WASF3: variants seen among roughly 807,000 people sequenced by gnomAD.
WASF3 encodes the protein actin-binding protein WASF3.
A neutral mutation model predicts 46.6 loss-of-function variants in WASF3; 11 were observed. The observed-to-expected ratio is 0.24, with a 90% confidence interval of 0.15 to 0.39. WASF3 has a LOEUF of 0.39. Ranked by LOEUF, WASF3 falls within the 10% of genes least tolerant of loss-of-function variation. The pLI is 1.00. For synonymous variants in WASF3, 242 were observed against 259.7 expected, an observed-to-expected ratio of 0.93 and a Z score of 0.65; for missense variants, 576 against 669.8, an observed-to-expected ratio of 0.86 and a Z score of 1.55.
the WASF3 span, among the ~76,000 whole-genome samples, chr13:26,544,573 C>T: frequency 2.0e-5 from 3 of 152,182 alleles, no homozygotes; most frequent in Admixed American, 2.0e-4. Flanking sequence ...AGAATAGAAA[C>T]GAAGTTAAGA....
chr13:26,633,980 G>T (rs1160212281), intron 2 of WASF3, among the ~76,000 whole-genome samples: 1 of 152,182 alleles, frequency 6.6e-6, no homozygotes, highest in Non-Finnish European at 1.5e-5. Context: ...ATTTGGGGTG[G>T]AGAGTTCTGT....
chr13:26,638,254 A>T (rs1881890708), intron 2 of WASF3: 1 of 152,196 alleles, frequency 6.6e-6, no homozygotes, highest in African/African-American at 2.4e-5. Flanking sequence ...CAGCAGCCAG[A>T]CCAAGCTGGA....
intron 1 of WASF3, among the ~76,000 whole-genome samples, chr13:26,572,252 G>C (rs898157130): frequency 6.6e-6 from 1 of 152,158 alleles, no homozygotes; most frequent in Non-Finnish European, 1.5e-5. Flanking sequence ...GTGGGCATTC[G>C]TATCTGGTTC....
intron 1 of WASF3, among the ~76,000 whole-genome samples, chr13:26,592,104 A>G (rs376531986): frequency 6.0e-5 from 9 of 150,722 alleles, no homozygotes; most frequent in African/African-American, 2.0e-4. Flanking sequence ...TGGACCAATA[A>G]GCTTTGCTGA....
At chr13:26,580,198 A>AT (rs1879935579) in intron 1 of WASF3, among the ~76,000 whole-genome samples, 1 of 152,058 alleles carries the variant, frequency 6.6e-6, no homozygotes, top group Non-Finnish European at 1.5e-5. Flanking sequence ...CTTACTGTGC[A>AT]TTTTTTTGCT....
At chr13:26,545,613 T>C in the WASF3 span, among the ~76,000 whole-genome samples, 1 of 152,228 alleles carries the variant, frequency 6.6e-6, no homozygotes, top group Admixed American at 6.5e-5. Context: ...TTTATGTATT[T>C]AATTTTTTTA....
At chr13:26,643,763 A>G (rs1281985834) in intron 3 of WASF3, among the ~76,000 whole-genome samples, 1 of 152,214 alleles carries the variant, frequency 6.6e-6, no homozygotes, top group Non-Finnish European at 1.5e-5. Context: ...TCTGTATCTC[A>G]TGCTGTAATA....
intron 2 of WASF3, among the ~76,000 whole-genome samples, chr13:26,637,257 A>C (rs1433128184): frequency 1.3e-5 from 2 of 152,206 alleles, no homozygotes; most frequent in African/African-American, 4.8e-5. Context: ...CAGCTCAGCC[A>C]AGTGCAAGCC....
chr13:26,582,651 T>A (rs1487488282), intron 1 of WASF3, among the ~76,000 whole-genome samples: 3 of 108,318 alleles, frequency 2.8e-5, no homozygotes, highest in Non-Finnish European at 5.0e-5. Flanking sequence ...CACTCTAGCC[T>A]GGGTGACCGA....
rs879865949 is a variant in WASF3 at position 26,623,693 on chromosome 13, A to G, written c.-11+10635A>G. Among the ~76,000 whole-genome samples, 57 of 152,214 alleles carry G rather than the reference A, an allele frequency of 3.7e-4. 1 individual carries two copies. Among genetic ancestry groups the G allele is most frequent in the Admixed American group, 4.6e-4 (7 of 15,278 alleles). ...AGGCCCCACTCTGAGGTCCAGGTAT[A>G]TGGATCATTCCTAAAATTTAGGCTG... On this transcript the variant is annotated intron_variant, in intron 2 of 9. Transcript: ENST00000335327.
chr13:26,644,689 C>T (rs1228086514), intron 3 of WASF3, among the ~76,000 whole-genome samples: 1 of 152,182 alleles, frequency 6.6e-6, no homozygotes, highest in Non-Finnish European at 1.5e-5. Context: ...TTGCTAGTCT[C>T]TTATGAGACC....
Position 26,578,993 on chromosome 13 carries a change from C to CTTTTTTTTTTTTTTTT in WASF3, c.-109+21182_-109+21197dup, listed in dbSNP as rs200299739. On this transcript the variant is annotated intron_variant, in intron 1 of 9. Coordinates refer to ENST00000335327, the MANE Select transcript of WASF3 (RefSeq NM_006646.6). ...ACCTTATATTCTTGGGATACATTTCCTTTTTTTTTTTTTTTTTTTTTTTGT... is the reference window on the plus strand; with the variant it reads ...ACCTTATATTCTTGGGATACATTTCCTTTTTTTTTTTTTTTTTTTTTTTTTTTTTTTTTTTTTTTGT... Among the ~76,000 whole-genome samples the CTTTTTTTTTTTTTTTT allele has an allele frequency of 3.3e-3, 199 of 60,624 alleles. 38 individuals carry two copies. The highest frequency in any genetic ancestry group is 0.016 in the Middle Eastern group (1 of 64). The allele number at this position is 60,624 out of a possible 152,430, so 39.8% of individuals were successfully genotyped here. A position where few individuals can be genotyped will look rare whatever the true frequency, so the allele number is the denominator to read the frequency against.
At chr13:26,584,128 T>G (rs766642957) in intron 1 of WASF3, among the ~76,000 whole-genome samples, 3 of 152,202 alleles carry the variant, frequency 2.0e-5, no homozygotes, top group Non-Finnish European at 4.4e-5. Flanking sequence ...GACTCTTCCT[T>G]CCAGGTACCT....
intron 6 of WASF3, among the ~76,000 whole-genome samples, chr13:26,673,411 T>A (rs983845958): frequency 6.6e-6 from 1 of 152,182 alleles, no homozygotes; most frequent in Non-Finnish European, 1.5e-5. Flanking sequence ...GCCTTCTAAA[T>A]GCTGGATAAA....
the WASF3 span, among the ~76,000 whole-genome samples, chr13:26,541,509 A>G: frequency 3.9e-5 from 6 of 152,206 alleles, no homozygotes; most frequent in Non-Finnish European, 8.8e-5. Flanking sequence ...GGTGCCTGGT[A>G]CACAGTAAGT....
intron 7 of WASF3, among the ~76,000 whole-genome samples, chr13:26,677,583 G>A (rs557002674): frequency 3.3e-5 from 5 of 152,232 alleles, no homozygotes; most frequent in East Asian, 1.9e-4. Context: ...AACTCTTAAC[G>A]TATTACGTGC....
intron 7 of WASF3, among the ~76,000 whole-genome samples, chr13:26,678,517 T>C (rs1270573146): frequency 2.0e-5 from 3 of 152,192 alleles, no homozygotes; most frequent in Admixed American, 2.0e-4. Context: ...GTTTTAGGTA[T>C]TATTTCGCAA....
Position 26,685,695 on chromosome 13 carries a change from A to G in WASF3, c.1359A>G (p.Gln453=). 1.2e-6 allele frequency: 2 copies of G among 1,614,148 alleles called. No homozygotes were observed. The highest frequency in any genetic ancestry group is 1.7e-6 in the Non-Finnish European group (2 of 1,179,968). Residue 453 remains glutamine, a synonymous_variant, in exon 10 of 10, where the codon CAA becomes CAG. Coordinates refer to ENST00000335327, the MANE Select transcript of WASF3 (RefSeq NM_006646.6). ...DLLAAIRMGI[Q]LKKVQEQREQ... is the part of the protein sequence containing the mutation. ...CACGTGTTGTGTCTGCAGGAATTCA[A>G]CTGAAAAAGGTGCAGGAGCAGCGGG...
chr13:26,642,085 C>A, intron 2 of WASF3, 176 bp from the exon 3 acceptor site: 1 of 520,786 alleles, frequency 1.9e-6, no homozygotes. Flanking sequence ...TACCTTCAGG[C>A]TCTATAAAAC....
Sources: allele counts gnomAD v4.1 joint callset (sites outside exome capture counted in the v4.1 genomes callset), GRCh38; gene constraint gnomAD v4.1.1; transcripts MANE v1.5; gene names NCBI Gene and HGNC (gene_info 2026-07-23, HGNC 2026-07-21).